The following COBL variants were observed in gnomAD, a reference collection of about 807,000 sequenced individuals.
The protein encoded by COBL is protein cordon-bleu.
A neutral mutation model predicts 98.8 loss-of-function variants in COBL; 51 were observed. The observed-to-expected ratio is 0.52, with a 90% CI of 0.41 to 0.65. COBL has a LOEUF of 0.65. Ranked by LOEUF, COBL falls within the 30% of genes least tolerant of loss-of-function variation. The probability of loss-of-function intolerance (pLI) is 0.00; values close to 1 mark genes in which losing one functional copy is unlikely to be tolerated. For synonymous variants in COBL, 634 were observed against 651.7 expected (o/e 0.97, Z 0.41); for missense variants, 1,617 against 1,617.5 (o/e 1.00, Z 0.01).
intron 1 of COBL, among the ~76,000 whole-genome samples, chr7:51,246,013 T>C (rs1208531247): frequency 6.6e-6 from 1 of 152,204 alleles, no homozygotes; most frequent in Non-Finnish European, 1.5e-5. Context: ...GCAAAGAAGA[T>C]ATCTATGAAT....
intron 7 of COBL, among the ~76,000 whole-genome samples, chr7:51,059,698 A>C (rs956473592): frequency 6.6e-5 from 10 of 152,146 alleles, no homozygotes; most frequent in Non-Finnish European, 1.2e-4. Flanking sequence ...AGTCCGAGCC[A>C]GGCAGGGAGG....
At chr7:51,291,698 T>G (rs1584420370) in intron 1 of COBL, among the ~76,000 whole-genome samples, 1 of 150,610 alleles carries the variant, frequency 6.6e-6, no homozygotes, top group South Asian at 2.1e-4. Context: ...GAAGTGGAGG[T>G]TGCAGTGAGC....
At chr7:51,098,702 T>C (rs1795532332) in intron 6 of COBL, among the ~76,000 whole-genome samples, 1 of 151,950 alleles carries the variant, frequency 6.6e-6, no homozygotes, top group African/African-American at 2.4e-5. Flanking sequence ...TATTTGGCAA[T>C]GGTTTCTTAG....
chr7:51,309,222 A>G (rs1802785164), intron 1 of COBL, among the ~76,000 whole-genome samples: 1 of 152,156 alleles, frequency 6.6e-6, no homozygotes, highest in Non-Finnish European at 1.5e-5. Flanking sequence ...GGACATGAGC[A>G]AAGGGACTTG....
At chr7:51,032,801 G>A (rs947448601) in intron 8 of COBL, 1 of 151,290 alleles carries the variant, frequency 6.6e-6, no homozygotes, top group African/African-American at 2.4e-5. Context: ...GGAATGAGAT[G>A]GTTTAAATAC....
chr7:51,126,677 C>T lies in COBL; in HGVS notation c.957+9481G>A, dbSNP rs765693657. On this transcript the variant is annotated intron_variant, in intron 6 of 12. Coordinates refer to ENST00000265136, the MANE Select transcript of COBL (RefSeq NM_015198.5). ...GTAGCAAGGAAGTGACTGATCTGGA[C>T]GTCGTCAGAGACCCTGAGAGTCTGA... Among the ~76,000 whole-genome samples the T allele has an allele frequency of 9.9e-5, 15 of 152,220 alleles. 1 individual carries two copies. In the South Asian group the frequency reaches 1.0e-3, roughly 11 times the overall value.
chr7:51,073,817 C>T (rs1792797344), intron 7 of COBL, among the ~76,000 whole-genome samples: 2 of 152,166 alleles, frequency 1.3e-5, no homozygotes, highest in Admixed American at 1.3e-4. Context: ...CTTTGTGATG[C>T]CCTCAATTTC....
intron 4 of COBL, among the ~76,000 whole-genome samples, 153 bp from the exon 5 acceptor site, chr7:51,184,352 C>T (rs944326482): frequency 2.6e-5 from 4 of 152,218 alleles, no homozygotes; most frequent in Non-Finnish European, 5.9e-5. Context: ...CAAAGCTGTC[C>T]GAGCCACTTC....
intron 6 of COBL, among the ~76,000 whole-genome samples, chr7:51,124,391 A>G (rs1350066479): frequency 6.6e-6 from 1 of 152,174 alleles, no homozygotes; most frequent in Non-Finnish European, 1.5e-5. Context: ...GCAGAGATGA[A>G]TAACTTCTGT....
chr7:51,092,436 C>T (rs927880930), intron 6 of COBL, among the ~76,000 whole-genome samples: 2 of 152,140 alleles, frequency 1.3e-5, no homozygotes, highest in Admixed American at 1.3e-4. Flanking sequence ...TTTTTAAAAA[C>T]CATTTTAAGT....
intron 5 of COBL, among the ~76,000 whole-genome samples, chr7:51,141,262 A>T (rs1434061910): frequency 6.6e-6 from 1 of 152,196 alleles, no homozygotes; most frequent in Non-Finnish European, 1.5e-5. Flanking sequence ...GCTATTGAGG[A>T]ATTCAGATGT....
Position 51,028,054 on chromosome 7 carries a change from G to C in COBL, c.3042C>G (p.Arg1014=). Residue 1014 remains arginine (R), a synonymous_variant, in exon 10 of 13, where the codon CGC becomes CGG. Coordinates refer to ENST00000265136, the MANE Select transcript of COBL (RefSeq NM_015198.5). ...QEASSASEPR[R]APDGTDPPPP... is the part of the protein sequence containing the mutation. ...GGGGTGGGTCTGTACCATCAGGTGC[G>C]CGTCTGGGCTCAGATGCTGAGCTGG... 2 of 1,611,220 alleles carry C rather than the reference G, an allele frequency of 1.2e-6. No individual in the cohort carries two copies. The highest frequency in any genetic ancestry group is 1.7e-6 in the Non-Finnish European group (2 of 1,178,592).
chr7:51,051,175 C>T (rs188261537), intron 7 of COBL, among the ~76,000 whole-genome samples: 1 of 152,286 alleles, frequency 6.6e-6, no homozygotes, highest in African/African-American at 2.4e-5. Context: ...GATGAAAATC[C>T]TTCTTCTTTA....
chr7:51,156,371 C>T, intron 5 of COBL: 1 of 985,386 alleles, frequency 1.0e-6, no homozygotes, highest in Non-Finnish European at 1.2e-6. Flanking sequence ...AGAGCCAATA[C>T]TTCCGAAATG....
intron 5 of COBL, among the ~76,000 whole-genome samples, chr7:51,171,800 A>C (rs556739533): frequency 6.6e-6 from 1 of 152,330 alleles, no homozygotes; most frequent in East Asian, 1.9e-4. Context: ...TCAAGCATAA[A>C]ATATGAATTG....
intron 7 of COBL, chr7:51,065,215 T>C: frequency 1.4e-6 from 1 of 703,382 alleles, no homozygotes; most frequent in South Asian, 1.5e-5. Context: ...TGTGTGTGCG[T>C]GTGTGTGTCT....
At chr7:51,150,040 T>C (rs536930512) in intron 5 of COBL, among the ~76,000 whole-genome samples, 1 of 152,252 alleles carries the variant, frequency 6.6e-6, no homozygotes, top group South Asian at 2.1e-4. Context: ...CTTCCAGGCA[T>C]GCATGCACAA....
intron 6 of COBL, among the ~76,000 whole-genome samples, chr7:51,134,842 T>C (rs548996447): frequency 9.2e-5 from 14 of 152,234 alleles, no homozygotes; most frequent in Admixed American, 2.6e-4. Flanking sequence ...TTATCATGGA[T>C]GCATACAACA....
chr7:51,243,918 A>C (rs1288060423), intron 1 of COBL, among the ~76,000 whole-genome samples: 1 of 152,176 alleles, frequency 6.6e-6, no homozygotes, highest in Non-Finnish European at 1.5e-5. Flanking sequence ...CAGATGACAC[A>C]ACCACGGGGA....
Sources: gnomAD v4.1 joint callset for allele counts (sites outside exome capture counted in the v4.1 genomes callset) on GRCh38, gnomAD v4.1.1 for gene constraint, MANE v1.5 for transcripts, NCBI Gene and HGNC (gene_info 2026-07-23, HGNC 2026-07-21) for gene names.